SH3RF1: variants seen among roughly 807,000 people sequenced by gnomAD.
SH3RF1 encodes the protein E3 ubiquitin-protein ligase SH3RF1.
In SH3RF1, 32 loss-of-function variants were observed where a neutral mutation model predicts 74.0. The observed-to-expected ratio is 0.43, with a 90% confidence interval of 0.33 to 0.58. The LOEUF (loss-of-function observed/expected upper bound fraction) is 0.58, where lower values mean the gene tolerates loss of function less well. SH3RF1 is among the 20% of genes least tolerant of loss of function. The probability of loss-of-function intolerance (pLI) is 0.05; values close to 1 mark genes in which losing one functional copy is unlikely to be tolerated. For missense variants in SH3RF1, 954 were observed against 1,130.9 expected, an observed-to-expected ratio of 0.84 and a Z score of 2.24; for synonymous variants, 396 against 439.6, an observed-to-expected ratio of 0.90 and a Z score of 1.24.
At chr4:169,150,006 C>G (rs1258584982) in intron 4 of SH3RF1, among the ~76,000 whole-genome samples, 1 of 152,178 alleles carries the variant, frequency 6.6e-6, no homozygotes, top group Non-Finnish European at 1.5e-5. Context: ...CTCTCATTCC[C>G]TAGAAGAGGA....
At chr4:169,218,162 T>A (rs1350643618) in intron 2 of SH3RF1, among the ~76,000 whole-genome samples, 1 of 146,510 alleles carries the variant, frequency 6.8e-6, no homozygotes, top group Non-Finnish European at 1.5e-5. Context: ...TATACATATA[T>A]CAATATATGT....
At chr4:169,237,647 T>G (rs890016347) in intron 2 of SH3RF1, among the ~76,000 whole-genome samples, 3 of 152,164 alleles carry the variant, frequency 2.0e-5, no homozygotes, top group African/African-American at 7.2e-5. Flanking sequence ...TTGGCTGCAG[T>G]GAGTTCTGGA....
rs2126983673 is a variant in SH3RF1, at chr4:169,189,548, T to G, written c.394-32869A>C. 1.3e-5 allele frequency among the ~76,000 whole-genome samples: 2 copies of G among 152,308 alleles called. 1 individual carries two copies. The highest frequency in any genetic ancestry group is 4.2e-4 in the South Asian group (2 of 4,818). On this transcript the variant is annotated intron_variant, in intron 2 of 11. Coordinates refer to ENST00000284637, the MANE Select transcript of SH3RF1 (RefSeq NM_020870.4). The stretch of plus-strand genomic sequence containing the variant: ...TCTCCCCAGGACTCCTCTACAGATC[T>G]TTCAAATCATAAAGTTTCTGTTGCC...
chr4:169,103,135 A>G (rs1221558724), intron 11 of SH3RF1, among the ~76,000 whole-genome samples: 2 of 123,022 alleles, frequency 1.6e-5, no homozygotes, highest in Admixed American at 2.0e-4. Context: ...ATGGGGTTTC[A>G]CCATCTTGGT....
At chr4:169,174,841 C>G (rs112678817) in intron 2 of SH3RF1, among the ~76,000 whole-genome samples, 1 of 138,278 alleles carries the variant, frequency 7.2e-6, no homozygotes, top group African/African-American at 2.7e-5. Context: ...TCATATGAAG[C>G]GCTAAGAACT....
intron 10 of SH3RF1, among the ~76,000 whole-genome samples, chr4:169,112,844 G>A (rs1378027990): frequency 6.6e-6 from 1 of 152,174 alleles, no homozygotes; most frequent in Non-Finnish European, 1.5e-5. Flanking sequence ...ACACAGACCC[G>A]CTGTGGAGGA....
At chr4:169,099,671 G>A (rs1256834546) in intron 11 of SH3RF1, among the ~76,000 whole-genome samples, 1 of 152,082 alleles carries the variant, frequency 6.6e-6, no homozygotes, top group African/African-American at 2.4e-5. Context: ...AATAAAAATG[G>A]TTATTGAAAA....
chr4:169,113,686 C>T (rs1034204316), intron 10 of SH3RF1, among the ~76,000 whole-genome samples: 1 of 152,046 alleles, frequency 6.6e-6, no homozygotes, highest in Non-Finnish European at 1.5e-5. Flanking sequence ...ACTAAAGACA[C>T]TCTAGTCATG....
At chr4:169,194,910 A>G (rs1734785223) in intron 2 of SH3RF1, among the ~76,000 whole-genome samples, 1 of 152,196 alleles carries the variant, frequency 6.6e-6, no homozygotes. Flanking sequence ...TTTTCAAAAG[A>G]CTATTTATCA....
At chr4:169,228,755 C>A (rs1730689736) in intron 2 of SH3RF1, among the ~76,000 whole-genome samples, 1 of 152,188 alleles carries the variant, frequency 6.6e-6, no homozygotes, top group South Asian at 2.1e-4. Context: ...AATCATCCAT[C>A]AGTACACTTT....
chr4:169,157,628 G>A (rs1029133787), intron 2 of SH3RF1, among the ~76,000 whole-genome samples: 1 of 152,168 alleles, frequency 6.6e-6, no homozygotes, highest in Non-Finnish European at 1.5e-5. Context: ...GAGATAAGTG[G>A]CAAATCCAAC....
chr4:169,103,086 ATTTTTTTTT>A (rs60740517), intron 11 of SH3RF1, among the ~76,000 whole-genome samples: 4 of 87,074 alleles, frequency 4.6e-5, no homozygotes, highest in East Asian at 6.7e-4. Context: ...GCGCCTGGCT[ATTTTTTTTT>A]TTTTTTTTTT....
intron 2 of SH3RF1, among the ~76,000 whole-genome samples, chr4:169,158,320 TAAGG>T (rs1734095400): frequency 1.3e-5 from 2 of 152,036 alleles, no homozygotes; most frequent in African/African-American, 4.8e-5. Flanking sequence ...AAGAGAACAG[TAAGG>T]GCATTCCAGG....
At chr4:169,152,909 C>T (rs1733997452) in intron 4 of SH3RF1, among the ~76,000 whole-genome samples, 1 of 152,150 alleles carries the variant, frequency 6.6e-6, no homozygotes, top group African/African-American at 2.4e-5. Flanking sequence ...TTTCTCACCA[C>T]CTCAATCCTC....
At chr4:169,136,710 A>C in intron 4 of SH3RF1, 90 bp from the exon 5 acceptor site, 1 of 1,365,786 alleles carries the variant, frequency 7.3e-7, no homozygotes, top group Non-Finnish European at 9.7e-7. Context: ...TTCATCCAAA[A>C]TTTAAAGTCA....
intron 2 of SH3RF1, among the ~76,000 whole-genome samples, chr4:169,213,148 AC>A (rs1730408453): frequency 6.6e-6 from 1 of 152,162 alleles, no homozygotes. Flanking sequence ...CTGCATTTCC[AC>A]CTGCAATGAA....
intron 8 of SH3RF1, among the ~76,000 whole-genome samples, chr4:169,120,606 T>C (rs1466944011): frequency 6.6e-6 from 1 of 152,180 alleles, no homozygotes; most frequent in Non-Finnish European, 1.5e-5. Context: ...CATTTACTGG[T>C]AGAAACCTAT....
intron 2 of SH3RF1, among the ~76,000 whole-genome samples, chr4:169,178,148 G>A (rs1734450647): frequency 6.6e-6 from 1 of 151,790 alleles, no homozygotes; most frequent in South Asian, 2.1e-4. Context: ...GGCTGAGGCA[G>A]AAGAATCGCT....
intron 2 of SH3RF1, among the ~76,000 whole-genome samples, chr4:169,250,626 A>G (rs1731087517): frequency 6.6e-6 from 1 of 152,226 alleles, no homozygotes. Flanking sequence ...GGGGATACAG[A>G]CAGGAATAAA....
Sources: allele counts gnomAD v4.1 joint callset (sites outside exome capture counted in the v4.1 genomes callset), GRCh38; gene constraint gnomAD v4.1.1; transcripts MANE v1.5; gene names NCBI Gene and HGNC (gene_info 2026-07-23, HGNC 2026-07-21).